Variants in ACSM1 observed in about 807,000 individuals in gnomAD.
The protein encoded by ACSM1 is acyl-CoA synthetase medium chain family member 1.
In ACSM1, 79 loss-of-function variants were observed where a neutral mutation model predicts 75.8. The ratio of observed to expected loss-of-function variants is 1.04; its 90% confidence interval spans 0.87 to 1.26. The LOEUF is 1.26. ACSM1 is among the 50% of genes most tolerant of loss of function. The probability of loss-of-function intolerance (pLI) is 0.00; values close to 1 mark genes in which losing one functional copy is unlikely to be tolerated. For missense variants in ACSM1, 676 were observed against 720.1 expected (o/e 0.94, Z 0.70); for synonymous variants, 279 against 265.8 (o/e 1.05, Z -0.48).
At chr16:20,654,353 G>C (rs2018826355) in intron 7 of ACSM1, among the ~76,000 whole-genome samples, 1 of 152,128 alleles carries the variant, frequency 6.6e-6, no homozygotes, top group Admixed American at 6.5e-5. Context: ...AGGACTTCAT[G>C]TCTAAAACAC....
chr16:20,640,875 A>G (rs2018015889), intron 7 of ACSM1, among the ~76,000 whole-genome samples: 1 of 152,210 alleles, frequency 6.6e-6, no homozygotes, highest in African/African-American at 2.4e-5. Flanking sequence ...CTGTGTGTTT[A>G]TCAGAACTCC....
chr16:20,686,181 G>C (rs1337304348), intron 2 of ACSM1, among the ~76,000 whole-genome samples: 1 of 151,994 alleles, frequency 6.6e-6, no homozygotes, highest in Non-Finnish European at 1.5e-5. Context: ...CAAAACAAAA[G>C]AGGCTTACTT....
Position 20,649,557 on chromosome 16 carries a change from C to T in ACSM1, c.993-8973G>A, listed in dbSNP as rs555017092. On this transcript the variant is annotated intron_variant, in intron 7 of 13. Coordinates refer to ENST00000520010, the MANE Select transcript of ACSM1 (RefSeq NM_001318890.3). ...ATTTTACAACCTGTTCTCTCTCTCT[C>T]TCTCTGATGTCTGGTATCTGACAGA... Among the ~76,000 whole-genome samples the T allele has an allele frequency of 9.2e-5, 14 of 152,306 alleles. No individual in the cohort carries two copies. The Middle Eastern group carries it at 0.01, about 111-fold the overall frequency.
chr16:20,647,323 GA>G (rs1218520589), intron 7 of ACSM1, among the ~76,000 whole-genome samples: 1 of 152,212 alleles, frequency 6.6e-6, no homozygotes, highest in Admixed American at 6.5e-5. Context: ...TGAATGCAAA[GA>G]AGGAATGAAG....
chr16:20,662,675 A>C (rs1421888921), intron 6 of ACSM1, among the ~76,000 whole-genome samples: 1 of 152,208 alleles, frequency 6.6e-6, no homozygotes, highest in Non-Finnish European at 1.5e-5. Context: ...TAGAATCATG[A>C]TGAAATATAA....
At chr16:20,675,593 A>G (rs12928747) in intron 4 of ACSM1, among the ~76,000 whole-genome samples, 19,164 of 152,216 alleles carry the variant, frequency 0.13, 1,457 homozygotes, top group African/African-American at 0.21. Flanking sequence ...ATTTTTAAAA[A>G]GGATTTAGAG....
At chr16:20,630,967 T>C (rs141103142) in intron 10 of ACSM1, among the ~76,000 whole-genome samples, 447 of 152,324 alleles carry the variant, frequency 2.9e-3, no homozygotes, top group Non-Finnish European at 4.7e-3. Flanking sequence ...AGAAATTATC[T>C]TGAGACAAAT....
At chr16:20,691,964 T>C (rs575070981) in intron 1 of ACSM1, among the ~76,000 whole-genome samples, 3 of 152,224 alleles carry the variant, frequency 2.0e-5, no homozygotes, top group East Asian at 1.9e-4. Context: ...GGAGTAAGAA[T>C]CCTGCAGTCA....
intron 4 of ACSM1, among the ~76,000 whole-genome samples, chr16:20,672,471 A>AAATAT (rs1555473775): frequency 1.7e-4 from 11 of 64,576 alleles, no homozygotes; most frequent in Admixed American, 5.3e-4. Flanking sequence ...AAAAAAAAAA[A>AAATAT]ATATATATAT....
intron 1 of ACSM1, among the ~76,000 whole-genome samples, chr16:20,693,039 G>A (rs1319099824): frequency 6.6e-6 from 1 of 151,990 alleles, no homozygotes; most frequent in Non-Finnish European, 1.5e-5. Context: ...GCATGGAAGT[G>A]CCTGCCTGTA....
At chr16:20,625,742 G>T (rs780760336) in intron 11 of ACSM1, among the ~76,000 whole-genome samples, 3 of 152,202 alleles carry the variant, frequency 2.0e-5, no homozygotes, top group Non-Finnish European at 4.4e-5. Flanking sequence ...TTGCCTCACT[G>T]CCTGTACTGA....
intron 8 of ACSM1, 95 bp from the exon 9 acceptor site, chr16:20,637,546 G>A (rs2017799337): frequency 4.6e-6 from 5 of 1,095,144 alleles, no homozygotes; most frequent in South Asian, 3.8e-5. Context: ...GCTCAGAGAT[G>A]TAGTATTCCT....
In ACSM1 at chr16:20,651,168, C is replaced by T. The variant is rs563864606; in HGVS notation, c.993-10584G>A. On this transcript the variant is annotated intron_variant, in intron 7 of 13. Transcript: ENST00000520010. The stretch of plus-strand genomic sequence containing the variant: ...TGCTATCTGATTTCACCTGAGTTGC[C>T]TTTAATATGCAAATTTAAGACGATT... Among the ~76,000 whole-genome samples the T allele has an allele frequency of 3.3e-5, 5 of 152,216 alleles. No individual in the cohort carries two copies. The East Asian group carries it at 9.6e-4, about 29-fold the overall frequency.
At position 20,658,775 on chromosome 16, in the gene ACSM1, G is replaced by A. The variant is rs556550474; in HGVS notation, c.992+3019C>T. Among the ~76,000 whole-genome samples, 4 of 152,282 alleles carry A rather than the reference G, an allele frequency of 2.6e-5. No homozygotes were observed. In the South Asian group the frequency reaches 8.3e-4, roughly 32 times the overall value. Reference sequence around the variant, plus strand: ...TGCATTTAATTTACACCCTCCTCAGGATGCTATACCTATGGAGACAAATTG... The same window carrying A: ...TGCATTTAATTTACACCCTCCTCAGAATGCTATACCTATGGAGACAAATTG... On this transcript the variant is annotated intron_variant, in intron 7 of 13. Transcript: ENST00000520010.
chr16:20,623,797 T>A (rs897009076), intron 13 of ACSM1, among the ~76,000 whole-genome samples: 5 of 152,138 alleles, frequency 3.3e-5, no homozygotes, highest in Non-Finnish European at 4.4e-5. Context: ...AAGTGAAGCA[T>A]GTAACCTTGA....
intron 6 of ACSM1, among the ~76,000 whole-genome samples, chr16:20,666,798 T>C (rs1437180854): frequency 6.6e-6 from 1 of 152,130 alleles, no homozygotes; most frequent in African/African-American, 2.4e-5. Flanking sequence ...AAGTCACAGC[T>C]ATAGCCATAT....
intron 4 of ACSM1, among the ~76,000 whole-genome samples, chr16:20,672,471 A>AAAAAAAAAAAAAAAATAT (rs1555473775): frequency 3.1e-5 from 2 of 64,558 alleles, no homozygotes; most frequent in Non-Finnish European, 5.3e-5. Context: ...AAAAAAAAAA[A>AAAAAAAAAAAAAAAATAT]ATATATATAT....
At chr16:20,626,844 G>T (rs1175822768) in intron 11 of ACSM1, among the ~76,000 whole-genome samples, 1 of 151,966 alleles carries the variant, frequency 6.6e-6, no homozygotes, top group Non-Finnish European at 1.5e-5. Flanking sequence ...TGTGACATTT[G>T]GTGCTGCATT....
At chr16:20,678,051 A>C (rs2152295304) in intron 4 of ACSM1, among the ~76,000 whole-genome samples, 1 of 92,538 alleles carries the variant, frequency 1.1e-5, no homozygotes, top group South Asian at 4.1e-4. Context: ...AATGAGACAA[A>C]GAGGCAAAGC....
Sources: gnomAD v4.1 joint callset for allele counts (sites outside exome capture counted in the v4.1 genomes callset) on GRCh38, gnomAD v4.1.1 for gene constraint, MANE v1.5 for transcripts, NCBI Gene and HGNC (gene_info 2026-07-23, HGNC 2026-07-21) for gene names.